Variants in FANCC observed in about 807,000 individuals in gnomAD.
FANCC encodes Fanconi anemia group C protein.
Under a neutral mutation model 71.3 loss-of-function variants are expected in FANCC, and 55 were observed. That is an observed-to-expected ratio of 0.77 (90% CI 0.62 to 0.97). FANCC has a LOEUF of 0.97. Ranked by LOEUF, FANCC falls within the 50% of genes least tolerant of loss-of-function variation. The probability of loss-of-function intolerance (pLI) is 0.00; values close to 1 mark genes in which losing one functional copy is unlikely to be tolerated. For synonymous variants in FANCC, 275 were observed against 244.9 expected, an observed-to-expected ratio of 1.12 and a Z score of -1.15; for missense variants, 678 against 670.9, an observed-to-expected ratio of 1.01 and a Z score of -0.12.
intron 10 of FANCC, chr9:95,123,299 G>C (rs1489708143): frequency 3.4e-6 from 1 of 295,312 alleles, no homozygotes. Flanking sequence ...GTAAGAGCCT[G>C]TCTCAAAAAA....
chr9:95,114,716 G>A lies in FANCC; in HGVS notation c.1073-6C>T, dbSNP rs755164813. 6.2e-7 allele frequency: 1 copy of A among 1,613,650 alleles called. No homozygotes were observed. Among genetic ancestry groups the A allele is most frequent in the Non-Finnish European group, 8.5e-7 (1 of 1,179,568 alleles). On this transcript the variant is annotated splice_polypyrimidine_tract_variant and splice_region_variant and intron_variant, in intron 11 of 14. Transcript: ENST00000289081. Reference sequence around the variant, plus strand: ...CCAGTGTCCCCGAGGGATATCTGCGGGTGGAGAGAGATACGTCAGAGGGCA... The same window carrying A: ...CCAGTGTCCCCGAGGGATATCTGCGAGTGGAGAGAGATACGTCAGAGGGCA...
intron 3 of FANCC, among the ~76,000 whole-genome samples, chr9:95,246,394 T>C (rs1300911208): frequency 6.6e-6 from 1 of 152,242 alleles, no homozygotes; most frequent in African/African-American, 2.4e-5. Flanking sequence ...TGACAACCTA[T>C]AAATGGGAAA....
chr9:95,275,072 C>T (rs356662), intron 1 of FANCC, among the ~76,000 whole-genome samples: 1 of 149,294 alleles, frequency 6.7e-6, no homozygotes, highest in Non-Finnish European at 1.5e-5. Flanking sequence ...AGGAGTTTGA[C>T]ACCAGCCTAG....
At chr9:95,112,962 A>C (rs2072074937) in intron 12 of FANCC, among the ~76,000 whole-genome samples, 1 of 152,210 alleles carries the variant, frequency 6.6e-6, no homozygotes, top group Non-Finnish European at 1.5e-5. Flanking sequence ...GGTAGAGAGA[A>C]GAGAAAAACA....
chr9:95,103,655 T>C (rs1285946039), intron 14 of FANCC, among the ~76,000 whole-genome samples: 1 of 152,152 alleles, frequency 6.6e-6, no homozygotes, highest in Non-Finnish European at 1.5e-5. Flanking sequence ...CGCAGGGACG[T>C]TGGGCAGGGC....
At chr9:95,250,194 C>T (rs1452147565) in intron 1 of FANCC, among the ~76,000 whole-genome samples, 4 of 152,314 alleles carry the variant, frequency 2.6e-5, no homozygotes, top group Non-Finnish European at 5.9e-5. Context: ...CCATGGAAGC[C>T]AGAAGCAGGA....
intron 1 of FANCC, chr9:95,293,808 T>A: frequency 6.2e-7 from 1 of 1,613,840 alleles, no homozygotes; most frequent in South Asian, 1.1e-5. Flanking sequence ...GGGTGGGGTC[T>A]CCTGAGAAAC....
chr9:95,129,804 G>A (rs1826610347), intron 8 of FANCC, among the ~76,000 whole-genome samples: 1 of 152,090 alleles, frequency 6.6e-6, no homozygotes, highest in Admixed American at 6.5e-5. Flanking sequence ...TTCACTGAAT[G>A]CCCAGGATGA....
chr9:95,100,939 CTTTAT>C lies in FANCC; in HGVS notation c.*763_*767del, dbSNP rs1234232511. 2.6e-5 allele frequency: 6 copies of C among 233,112 alleles called. No individual in the cohort carries two copies. Among genetic ancestry groups the C allele is most frequent in the African/African-American group, 1.3e-4 (6 of 45,344 alleles). 14.4% of individuals were successfully genotyped at this position (233,112 alleles called of 1,614,324 possible). On this transcript the variant is annotated 3_prime_UTR_variant, in exon 15 of 15. Transcript: ENST00000289081. ...GCCACTGCACCCAGCCAGGCCAATTCTTTATCAGGAATTTCCAATTCCCATTTCCA... is the reference window on the plus strand; with the variant it reads ...GCCACTGCACCCAGCCAGGCCAATTCCAGGAATTTCCAATTCCCATTTCCA...
intron 10 of FANCC, among the ~76,000 whole-genome samples, chr9:95,117,847 A>G (rs1223629500): frequency 1.4e-5 from 2 of 146,370 alleles, no homozygotes; most frequent in Non-Finnish European, 3.0e-5. Context: ...CCTGTCTCCC[A>G]AGTATCTGGG....
At chr9:95,308,572 T>C (rs1414556932) in intron 1 of FANCC, among the ~76,000 whole-genome samples, 2 of 151,566 alleles carry the variant, frequency 1.3e-5, no homozygotes, top group African/African-American at 2.4e-5. Flanking sequence ...AGGCAGGAGC[T>C]ACCTTGCCCA....
At chr9:95,145,630 T>G (rs564335864) in intron 7 of FANCC, 1 of 152,324 alleles carries the variant, frequency 6.6e-6, no homozygotes, top group Admixed American at 6.5e-5. Context: ...GATCCTTATT[T>G]TGTATTGAAC....
intron 4 of FANCC, among the ~76,000 whole-genome samples, chr9:95,219,354 C>G (rs552824505): frequency 1.3e-5 from 2 of 152,230 alleles, no homozygotes; most frequent in Admixed American, 1.3e-4. Flanking sequence ...CAGACAAATC[C>G]AAGGAAGATG....
At chr9:95,242,078 C>A (rs1357124469) in intron 3 of FANCC, among the ~76,000 whole-genome samples, 2 of 152,166 alleles carry the variant, frequency 1.3e-5, no homozygotes, top group East Asian at 3.8e-4. Flanking sequence ...TTTTTAAACC[C>A]ATTTTTTTCC....
At chr9:95,198,585 T>G (rs545588480) in intron 4 of FANCC, among the ~76,000 whole-genome samples, 12 of 152,324 alleles carry the variant, frequency 7.9e-5, no homozygotes, top group African/African-American at 2.9e-4. Context: ...CAAGGCCACA[T>G]GAGGCCCTCC....
chr9:95,268,389 A>G (rs1321542879), intron 1 of FANCC, among the ~76,000 whole-genome samples: 1 of 152,214 alleles, frequency 6.6e-6, no homozygotes, highest in Non-Finnish European at 1.5e-5. Flanking sequence ...GGCTCCTGCC[A>G]AAAGGGTCTG....
At chr9:95,304,749 C>CAAA (rs35105777) in intron 1 of FANCC, among the ~76,000 whole-genome samples, 26 of 44,470 alleles carry the variant, frequency 5.8e-4, no homozygotes, top group South Asian at 1.2e-3. Flanking sequence ...GACTCTATCT[C>CAAA]AAAAAAAAAA....
At chr9:95,289,147 T>C (rs1390091297) in intron 1 of FANCC, among the ~76,000 whole-genome samples, 1 of 152,166 alleles carries the variant, frequency 6.6e-6, no homozygotes, top group African/African-American at 2.4e-5. Flanking sequence ...TCTACTACTT[T>C]TATATTTTAT....
chr9:95,126,593 G>A lies in FANCC; in HGVS notation c.844-12C>T, dbSNP rs2134969238. On this transcript the variant is annotated splice_polypyrimidine_tract_variant and intron_variant, in intron 8 of 14. Transcript: ENST00000289081. The stretch of plus-strand genomic sequence containing the variant: ...CAGGCTGCTTGAGGCTGTAAAAGGA[G>A]AAGACCATGAGAATGTGAAATATCA... 6.2e-7 allele frequency: 1 copy of A among 1,613,844 alleles called. No homozygotes were observed. Among genetic ancestry groups the A allele is most frequent in the South Asian group, 1.1e-5 (1 of 91,068 alleles).
Sources: gnomAD v4.1 joint callset for allele counts (sites outside exome capture counted in the v4.1 genomes callset) on GRCh38, gnomAD v4.1.1 for gene constraint, MANE v1.5 for transcripts, NCBI Gene and HGNC (gene_info 2026-07-23, HGNC 2026-07-21) for gene names.